Variants in OPCML observed in about 807,000 individuals in gnomAD.
OPCML encodes the protein opioid-binding protein/cell adhesion molecule.
In OPCML, 13 loss-of-function variants were observed where a neutral mutation model predicts 37.8. That is an observed-to-expected ratio of 0.34 (90% CI 0.22 to 0.55). OPCML has a LOEUF of 0.55. Among genes scored for constraint, OPCML ranks in the 20% least tolerant of loss-of-function variants. The pLI, the probability that OPCML is intolerant of heterozygous loss-of-function variation, is 0.91. For synonymous variants in OPCML, 176 were observed against 168.8 expected (o/e 1.04, Z -0.33); for missense variants, 341 against 435.6 (o/e 0.78, Z 1.93).
At chr11:132,622,072 T>G (rs1403797140) in intron 3 of OPCML, among the ~76,000 whole-genome samples, 1 of 151,726 alleles carries the variant, frequency 6.6e-6, no homozygotes, top group Admixed American at 6.6e-5. Context: ...TAGGCCAAAA[T>G]AAGGCACCAA....
intron 2 of OPCML, among the ~76,000 whole-genome samples, chr11:132,721,925 GGGAAT>G (rs1385288496): frequency 6.6e-6 from 1 of 150,920 alleles, no homozygotes; most frequent in Non-Finnish European, 1.5e-5. Context: ...CTGAAACAAA[GGGAAT>G]GTATTTTTTC....
intron 4 of OPCML, among the ~76,000 whole-genome samples, chr11:132,441,261 G>A (rs1456892919): frequency 5.1e-5 from 7 of 138,194 alleles, no homozygotes; most frequent in Middle Eastern, 3.7e-3. Context: ...TCCGCCTCCC[G>A]GGTTCACGCC....
intron 4 of OPCML, among the ~76,000 whole-genome samples, chr11:132,487,599 T>A (rs1319861114): frequency 6.6e-6 from 1 of 152,172 alleles, no homozygotes; most frequent in Non-Finnish European, 1.5e-5. Flanking sequence ...GACTCTCCTC[T>A]CCCTTCCTCT....
At chr11:132,702,747 T>C (rs1943878265) in intron 2 of OPCML, among the ~76,000 whole-genome samples, 1 of 152,054 alleles carries the variant, frequency 6.6e-6, no homozygotes, top group African/African-American at 2.4e-5. Flanking sequence ...GCTTTTTCAC[T>C]CTTTTTTTTT....
At position 132,871,621 on chromosome 11, in the gene OPCML, C is replaced by T. The variant is rs572627647; in HGVS notation, c.146+71305G>A. Among the ~76,000 whole-genome samples, 29 of 152,280 alleles carry T rather than the reference C, an allele frequency of 1.9e-4. 1 individual carries two copies. In the South Asian group the frequency reaches 5.8e-3, roughly 30 times the overall value. On this transcript the variant is annotated intron_variant, in intron 2 of 7. Transcript: ENST00000524381. ...AATAGATGTAGTTATTGGTTATGTCCACTGCTTAGCTTCGGTCTCCCTCCA... is the reference window on the plus strand; with the variant it reads ...AATAGATGTAGTTATTGGTTATGTCTACTGCTTAGCTTCGGTCTCCCTCCA...
intron 2 of OPCML, among the ~76,000 whole-genome samples, chr11:132,751,211 T>C (rs577700523): frequency 1.3e-5 from 2 of 152,138 alleles, no homozygotes; most frequent in Non-Finnish European, 2.9e-5. Context: ...TATCTCCTTA[T>C]TTTATTCTTT....
At chr11:133,445,930 A>G (rs1946465578) in intron 1 of OPCML, among the ~76,000 whole-genome samples, 1 of 152,146 alleles carries the variant, frequency 6.6e-6, no homozygotes, top group Non-Finnish European at 1.5e-5. Flanking sequence ...AAGACTGTTT[A>G]AAAAGTCAGA....
At chr11:133,158,846 A>G (rs1254818275) in intron 1 of OPCML, among the ~76,000 whole-genome samples, 1 of 152,162 alleles carries the variant, frequency 6.6e-6, no homozygotes, top group Non-Finnish European at 1.5e-5. Flanking sequence ...GGGAGGGCTG[A>G]CTGCTTTCCT....
chr11:132,712,154 G>A (rs145718330), intron 2 of OPCML, among the ~76,000 whole-genome samples: 2 of 152,322 alleles, frequency 1.3e-5, no homozygotes, highest in East Asian at 3.9e-4. Flanking sequence ...TCACAGAAAT[G>A]TACTGCAGAA....
At chr11:133,306,440 C>G (rs886731044) in intron 1 of OPCML, among the ~76,000 whole-genome samples, 1 of 152,096 alleles carries the variant, frequency 6.6e-6, no homozygotes, top group South Asian at 2.1e-4. Flanking sequence ...CGCGGTCACT[C>G]TAAAATTGAC....
intron 1 of OPCML, among the ~76,000 whole-genome samples, chr11:133,518,114 G>GGT (rs1355047315): frequency 8.6e-5 from 13 of 152,020 alleles, no homozygotes; most frequent in Admixed American, 6.5e-4. Flanking sequence ...ATGTATGTGT[G>GGT]GTGTGTGTGG....
At chr11:132,551,944 A>G (rs769024407) in intron 3 of OPCML, among the ~76,000 whole-genome samples, 28 of 152,198 alleles carry the variant, frequency 1.8e-4, no homozygotes, top group Non-Finnish European at 3.4e-4. Flanking sequence ...GGGCAGTTAC[A>G]GAGTGGCAAC....
chr11:133,512,240 A>G (rs1016707360), intron 1 of OPCML, among the ~76,000 whole-genome samples: 3 of 152,254 alleles, frequency 2.0e-5, no homozygotes, highest in African/African-American at 7.2e-5. Flanking sequence ...TTAGCGTTCT[A>G]GATTCCCACA....
At chr11:132,929,806 A>C (rs1339662491) in intron 2 of OPCML, among the ~76,000 whole-genome samples, 1 of 152,182 alleles carries the variant, frequency 6.6e-6, no homozygotes, top group African/African-American at 2.4e-5. Flanking sequence ...AAAACAACAC[A>C]TGACCATCTG....
At chr11:133,199,159 GA>G (rs902792864) in intron 1 of OPCML, among the ~76,000 whole-genome samples, 1 of 152,112 alleles carries the variant, frequency 6.6e-6, no homozygotes, top group Non-Finnish European at 1.5e-5. Context: ...TTGAGGGGTA[GA>G]AAAAACTCAG....
At chr11:133,382,025 C>T (rs141909629) in intron 1 of OPCML, among the ~76,000 whole-genome samples, 216 of 152,340 alleles carry the variant, frequency 1.4e-3, no homozygotes, top group African/African-American at 4.9e-3. Context: ...GCAGAAAGAA[C>T]CAAGGCAAGT....
intron 1 of OPCML, among the ~76,000 whole-genome samples, chr11:133,142,792 A>G (rs1415474676): frequency 6.6e-6 from 1 of 152,060 alleles, no homozygotes; most frequent in East Asian, 2.0e-4. Context: ...AATTCTGATG[A>G]CTTCAGGCCA....
intron 1 of OPCML, among the ~76,000 whole-genome samples, chr11:133,158,666 C>T (rs1371491045): frequency 1.3e-5 from 2 of 150,158 alleles, no homozygotes; most frequent in Admixed American, 1.3e-4. Context: ...CGCCACTGCA[C>T]TCCAGCCTGG....
Position 133,126,435 on chromosome 11 carries a change from G to A in OPCML, c.62-183425C>T, listed in dbSNP as rs572253755. 2.2e-4 allele frequency among the ~76,000 whole-genome samples: 33 copies of A among 152,100 alleles called. 1 individual carries two copies. Among genetic ancestry groups the A allele is most frequent in the Admixed American group, 5.2e-4 (8 of 15,264 alleles). On this transcript the variant is annotated intron_variant, in intron 1 of 7. Coordinates refer to ENST00000524381, the MANE Select transcript of OPCML (RefSeq NM_001012393.5). Reference sequence around the variant, plus strand: ...TCCCAGACACACCCAGAAATAATGTGTCACCAGCTATCTGGCATCTTTTAG... The same window carrying A: ...TCCCAGACACACCCAGAAATAATGTATCACCAGCTATCTGGCATCTTTTAG...
Sources: allele counts gnomAD v4.1 joint callset (sites outside exome capture counted in the v4.1 genomes callset), GRCh38; gene constraint gnomAD v4.1.1; transcripts MANE v1.5; gene names NCBI Gene and HGNC (gene_info 2026-07-23, HGNC 2026-07-21).